The following ADAMTS12 variants were observed in gnomAD, a reference collection of about 807,000 sequenced individuals.
ADAMTS12 encodes A disintegrin and metalloproteinase with thrombospondin motifs 12.
Under a neutral mutation model 167.8 loss-of-function variants are expected in ADAMTS12, and 118 were observed. The observed-to-expected ratio is 0.70, with a 90% CI of 0.61 to 0.82. The LOEUF is 0.82. Among genes scored for constraint, ADAMTS12 ranks in the 40% least tolerant of loss-of-function variants. The pLI is 0.00. For missense variants in ADAMTS12, 1,916 were observed against 1,998.8 expected, an observed-to-expected ratio of 0.96 and a Z score of 0.79; for synonymous variants, 704 against 716.9, an observed-to-expected ratio of 0.98 and a Z score of 0.29.
At chr5:33,653,388 T>G (rs1250179055) in intron 7 of ADAMTS12, among the ~76,000 whole-genome samples, 1 of 152,178 alleles carries the variant, frequency 6.6e-6, no homozygotes, top group Non-Finnish European at 1.5e-5. Flanking sequence ...GTCTAATTCT[T>G]TTTTTCTTAT....
chr5:33,646,965 A>G (rs1740690973), intron 9 of ADAMTS12, among the ~76,000 whole-genome samples: 1 of 152,218 alleles, frequency 6.6e-6, no homozygotes, highest in African/African-American at 2.4e-5. Context: ...AAGTCAATAG[A>G]CAGGTTAAAT....
At chr5:33,876,135 G>GA (rs1487981342) in intron 2 of ADAMTS12, among the ~76,000 whole-genome samples, 1 of 152,026 alleles carries the variant, frequency 6.6e-6, no homozygotes, top group Non-Finnish European at 1.5e-5. Context: ...AACACTGATG[G>GA]AAAAAATCAA....
intron 1 of ADAMTS12, among the ~76,000 whole-genome samples, chr5:33,885,655 C>T (rs1750609229): frequency 6.6e-6 from 1 of 152,190 alleles, no homozygotes; most frequent in African/African-American, 2.4e-5. Context: ...GGCAGTCTGA[C>T]AATGATCACT....
At chr5:33,732,428 ATCTCTTAAGTGCCT>A (rs749089148) in intron 3 of ADAMTS12, among the ~76,000 whole-genome samples, 15 of 152,330 alleles carry the variant, frequency 9.8e-5, no homozygotes, top group Non-Finnish European at 1.8e-4. Flanking sequence ...TACATACTTA[ATCTCTTAAGTGCCT>A]TTATGAAAAA....
intron 3 of ADAMTS12, among the ~76,000 whole-genome samples, chr5:33,705,872 C>T (rs1384483255): frequency 1.3e-5 from 2 of 151,884 alleles, no homozygotes; most frequent in Non-Finnish European, 2.9e-5. Context: ...GGAAGGCAAT[C>T]CTCCTTAAAT....
intron 22 of ADAMTS12, 78 bp from the exon 23 acceptor site, chr5:33,535,070 C>T: frequency 7.1e-7 from 1 of 1,411,474 alleles, no homozygotes; most frequent in Non-Finnish European, 9.4e-7. Flanking sequence ...ACCTCCAATC[C>T]CACTGTGGTC....
At chr5:33,555,819 C>T (rs1745464817) in intron 20 of ADAMTS12, among the ~76,000 whole-genome samples, 1 of 152,154 alleles carries the variant, frequency 6.6e-6, no homozygotes, top group Non-Finnish European at 1.5e-5. Flanking sequence ...CCAAAGCTTC[C>T]ATGCAATGTC....
chr5:33,757,495 A>AC (rs1226053867), intron 2 of ADAMTS12, among the ~76,000 whole-genome samples: 1 of 152,134 alleles, frequency 6.6e-6, no homozygotes, highest in African/African-American at 2.4e-5. Flanking sequence ...AGGGAGTTGT[A>AC]CCCTGAGAGC....
chr5:33,798,839 C>T (rs570275344), intron 2 of ADAMTS12, among the ~76,000 whole-genome samples: 1 of 152,224 alleles, frequency 6.6e-6, no homozygotes, highest in South Asian at 2.1e-4. Context: ...CAAATATAGT[C>T]ACATTGGGGG....
intron 2 of ADAMTS12, among the ~76,000 whole-genome samples, chr5:33,785,294 A>C (rs1161612939): frequency 4.6e-5 from 7 of 150,588 alleles, no homozygotes; most frequent in Admixed American, 4.6e-4. Context: ...CCAAAAGCAC[A>C]GCTTGTAAAA....
At chr5:33,683,808 C>T in intron 4 of ADAMTS12, 51 bp downstream of exon 4, 3 of 1,329,628 alleles carry the variant, frequency 2.3e-6, no homozygotes, top group Admixed American at 5.7e-5. Context: ...GTAAGCATTT[C>T]TAATGACATC....
chr5:33,754,042 T>A (rs1481097556), intron 2 of ADAMTS12, among the ~76,000 whole-genome samples: 1 of 152,174 alleles, frequency 6.6e-6, no homozygotes, highest in Non-Finnish European at 1.5e-5. Context: ...ATCTGAGCTC[T>A]GCACCTCTTC....
intron 20 of ADAMTS12, among the ~76,000 whole-genome samples, chr5:33,554,415 A>C (rs973354682): frequency 5.9e-5 from 9 of 152,322 alleles, no homozygotes; most frequent in Middle Eastern, 3.4e-3. Context: ...GCTTCTATTT[A>C]ATTGCCACTC....
intron 2 of ADAMTS12, among the ~76,000 whole-genome samples, chr5:33,862,696 G>A (rs1285165679): frequency 1.3e-5 from 2 of 152,072 alleles, no homozygotes; most frequent in Non-Finnish European, 2.9e-5. Flanking sequence ...CATTTTATGA[G>A]GCCAGCATCA....
At chr5:33,749,167 T>C (rs1413957733) in intron 3 of ADAMTS12, among the ~76,000 whole-genome samples, 1 of 152,156 alleles carries the variant, frequency 6.6e-6, no homozygotes, top group African/African-American at 2.4e-5. Flanking sequence ...CTTACTGAAT[T>C]CCTACTTTGC....
In ADAMTS12 at chr5:33,891,914, T is replaced by G. The variant is rs1195320890; in HGVS notation, c.-58A>C. The G allele has an allele frequency of 4.4e-6, 7 of 1,587,978 alleles. No homozygotes were observed. In the South Asian group the frequency reaches 5.7e-5, roughly 13 times the overall value. On this transcript the variant is annotated 5_prime_UTR_variant, in exon 1 of 24. Coordinates refer to ENST00000504830, the MANE Select transcript of ADAMTS12 (RefSeq NM_030955.4). ...AAGTTTTAGCCCTCAGCTCCAGAAATAAAGCGCTCGCCTGTGGCCCAGCAG... is the reference window on the plus strand; with the variant it reads ...AAGTTTTAGCCCTCAGCTCCAGAAAGAAAGCGCTCGCCTGTGGCCCAGCAG...
At chr5:33,762,343 C>T (rs1449042165) in intron 2 of ADAMTS12, among the ~76,000 whole-genome samples, 1 of 151,482 alleles carries the variant, frequency 6.6e-6, no homozygotes, top group Non-Finnish European at 1.5e-5. Context: ...CCTGTCTCTA[C>T]TAAAAATACA....
intron 2 of ADAMTS12, among the ~76,000 whole-genome samples, chr5:33,819,941 T>G (rs1747809539): frequency 6.6e-6 from 1 of 152,156 alleles, no homozygotes; most frequent in South Asian, 2.1e-4. Context: ...TGCTGCCATT[T>G]TGTATTTGTG....
At chr5:33,627,751 CTGAACGTAGATCTAGCTCTGAGCAAT>C (rs987844816) in intron 13 of ADAMTS12, among the ~76,000 whole-genome samples, 3 of 152,178 alleles carry the variant, frequency 2.0e-5, no homozygotes, top group African/African-American at 7.2e-5. Flanking sequence ...ACCTGGTATT[CTGAACGTAGATCTAGCTCTGAGCAAT>C]TGATTTAGGG....
Sources: allele counts gnomAD v4.1 joint callset (sites outside exome capture counted in the v4.1 genomes callset), GRCh38; gene constraint gnomAD v4.1.1; transcripts MANE v1.5; gene names NCBI Gene and HGNC (gene_info 2026-07-23, HGNC 2026-07-21).